Variants in UNC5C observed in about 807,000 individuals in gnomAD.
UNC5C encodes the protein netrin receptor UNC5C.
Under a neutral mutation model 99.8 loss-of-function variants are expected in UNC5C, and 47 were observed. The ratio of observed to expected loss-of-function variants is 0.47; its 90% CI spans 0.37 to 0.60. UNC5C has a LOEUF of 0.60. UNC5C is among the 20% of genes least tolerant of loss of function. The pLI is 0.00. For missense variants in UNC5C, 1,062 were observed against 1,165.9 expected, an observed-to-expected ratio of 0.91 and a Z score of 1.30; for synonymous variants, 487 against 452.2, an observed-to-expected ratio of 1.08 and a Z score of -0.98.
intron 1 of UNC5C, among the ~76,000 whole-genome samples, chr4:95,388,060 A>G (rs1384862): frequency 0.3 from 45,229 of 152,092 alleles, 6,969 homozygotes; most frequent in Middle Eastern, 0.4. Flanking sequence ...TGGAAATACT[A>G]TAAACATTAA....
chr4:95,517,225 T>C (rs988395800), intron 1 of UNC5C, among the ~76,000 whole-genome samples: 1 of 152,182 alleles, frequency 6.6e-6, no homozygotes, highest in African/African-American at 2.4e-5. Flanking sequence ...ATTCCTCAAA[T>C]CCAACTCAGA....
rs531587372 is a variant in UNC5C at position 95,268,125 on chromosome 4, A to AT, written c.594+10133dup. Among the ~76,000 whole-genome samples, 228 of 149,664 alleles carry AT rather than the reference A, an allele frequency of 1.5e-3. 2 individuals carry two copies. Among genetic ancestry groups the AT allele is most frequent in the South Asian group, 0.012 (54 of 4,692 alleles). On this transcript the variant is annotated intron_variant, in intron 4 of 15. Transcript: ENST00000453304. Reference sequence around the variant, plus strand: ...CCACCGCGCCCGGTTAATTTTTTGCATTTTTTTTAGTAGAGACGGGGTTTC... The same window carrying AT: ...CCACCGCGCCCGGTTAATTTTTTGCATTTTTTTTTAGTAGAGACGGGGTTTC...
chr4:95,360,626 A>G (rs993288448), intron 1 of UNC5C, among the ~76,000 whole-genome samples: 5 of 152,210 alleles, frequency 3.3e-5, no homozygotes, highest in Admixed American at 6.5e-5. Context: ...GTGCTTCTTC[A>G]GAATATCTAC....
chr4:95,344,506 A>G (rs1477872776), intron 1 of UNC5C, among the ~76,000 whole-genome samples: 3 of 152,114 alleles, frequency 2.0e-5, no homozygotes, highest in East Asian at 1.9e-4. Context: ...TGAAGGTGCA[A>G]AACTGACTGG....
At chr4:95,540,938 T>A (rs1722902485) in intron 1 of UNC5C, among the ~76,000 whole-genome samples, 2 of 152,212 alleles carry the variant, frequency 1.3e-5, no homozygotes, top group Non-Finnish European at 2.9e-5. Context: ...CTATAAAAGT[T>A]ATGGAATACC....
intron 10 of UNC5C, among the ~76,000 whole-genome samples, chr4:95,215,813 G>T (rs1422405793): frequency 6.7e-6 from 1 of 150,228 alleles, no homozygotes; most frequent in African/African-American, 2.4e-5. Context: ...CGACGTCTCT[G>T]TGTCTACCCA....
chr4:95,217,690 G>C lies in UNC5C; in HGVS notation c.1645+1279C>G, dbSNP rs550405421. Among the ~76,000 whole-genome samples the C allele has an allele frequency of 5.9e-5, 9 of 152,214 alleles. No individual in the cohort carries two copies. In the East Asian group the frequency reaches 1.7e-3, roughly 29 times the overall value. ...ATAATGCACATATGAAAAAGTGGTA[G>C]GTAGAAATGGGAAGAAAAGGCAGAA... On this transcript the variant is annotated intron_variant, in intron 9 of 15. Transcript: ENST00000453304.
intron 1 of UNC5C, among the ~76,000 whole-genome samples, chr4:95,379,520 C>T (rs1744997513): frequency 6.6e-6 from 1 of 152,132 alleles, no homozygotes; most frequent in Admixed American, 6.5e-5. Context: ...AGAGGCCTTC[C>T]TATTCCCCAA....
Position 95,166,933 on chromosome 4 carries a change from T to TAA in UNC5C, c.*2300_*2301insTT, listed in dbSNP as rs1204039192. 2.6e-5 allele frequency: 4 copies of TAA among 151,266 alleles called. No homozygotes were observed. Among genetic ancestry groups the TAA allele is most frequent in the African/African-American group, 9.9e-5 (4 of 40,592 alleles). 9.4% of individuals were successfully genotyped at this position (151,266 alleles called of 1,614,324 possible). A position where few individuals can be genotyped will look rare whatever the true frequency, so the allele number is the denominator to read the frequency against. On this transcript the variant is annotated 3_prime_UTR_variant, in exon 16 of 16. Coordinates refer to ENST00000453304, the MANE Select transcript of UNC5C (RefSeq NM_003728.4). ...CCCTTCCCCAGTCAGTGTACAAATATTTTAAATATGGAAATCCTAATGCAG... is the reference window on the plus strand; with the variant it reads ...CCCTTCCCCAGTCAGTGTACAAATATAATTTAAATATGGAAATCCTAATGCAG...
chr4:95,438,294 A>G (rs1168989168), intron 1 of UNC5C, among the ~76,000 whole-genome samples: 2 of 152,084 alleles, frequency 1.3e-5, no homozygotes, highest in East Asian at 1.9e-4. Context: ...TTCTTCTCCC[A>G]TTAAAACAAA....
intron 1 of UNC5C, among the ~76,000 whole-genome samples, chr4:95,403,475 T>C (rs2149449261): frequency 6.6e-6 from 1 of 152,324 alleles, no homozygotes; most frequent in African/African-American, 2.4e-5. Flanking sequence ...TTCAGGGAAG[T>C]CAATAGTACT....
chr4:95,480,810 CA>C (rs568093659), intron 1 of UNC5C, among the ~76,000 whole-genome samples: 2,555 of 151,956 alleles, frequency 0.017, 67 homozygotes, highest in African/African-American at 0.059. Flanking sequence ...ATTCAACAAC[CA>C]TTCATGCTAA....
At chr4:95,206,923 G>A in intron 10 of UNC5C, 127 bp from the exon 11 acceptor site, 1 of 732,600 alleles carries the variant, frequency 1.4e-6, no homozygotes. Context: ...TTTTTTTCTG[G>A]GGGGTTGGGG....
intron 4 of UNC5C, among the ~76,000 whole-genome samples, chr4:95,254,772 CTG>C (rs1739892601): frequency 6.6e-6 from 1 of 152,212 alleles, no homozygotes; most frequent in Non-Finnish European, 1.5e-5. Context: ...TTACCCTTTT[CTG>C]TCTTTCCTAT....
intron 3 of UNC5C, among the ~76,000 whole-genome samples, chr4:95,289,627 C>T (rs1741370754): frequency 6.6e-6 from 1 of 152,114 alleles, no homozygotes; most frequent in Non-Finnish European, 1.5e-5. Context: ...ATTTCATGGT[C>T]ACTCAAAGTA....
intron 2 of UNC5C, among the ~76,000 whole-genome samples, chr4:95,315,735 G>C (rs1033332470): frequency 6.6e-6 from 1 of 152,132 alleles, no homozygotes; most frequent in Non-Finnish European, 1.5e-5. Context: ...TAATAAAGAT[G>C]ATGACATTTG....
At chr4:95,222,250 A>G in intron 7 of UNC5C, 1 of 1,488,120 alleles carries the variant, frequency 6.7e-7, no homozygotes, top group Non-Finnish European at 8.9e-7. Flanking sequence ...GTTCAGTTGA[A>G]ATGGGATAAA....
intron 1 of UNC5C, among the ~76,000 whole-genome samples, chr4:95,505,092 C>A (rs906618320): frequency 6.6e-6 from 1 of 152,058 alleles, no homozygotes; most frequent in East Asian, 1.9e-4. Context: ...ATATTCACTT[C>A]TTAATTTCAG....
intron 1 of UNC5C, among the ~76,000 whole-genome samples, chr4:95,431,314 G>A (rs948191765): frequency 1.3e-5 from 2 of 151,986 alleles, no homozygotes; most frequent in African/African-American, 4.8e-5. Flanking sequence ...GAATCATCTC[G>A]AAAGCCTGTT....
Sources: gnomAD v4.1 joint callset for allele counts (sites outside exome capture counted in the v4.1 genomes callset) on GRCh38, gnomAD v4.1.1 for gene constraint, MANE v1.5 for transcripts, NCBI Gene and HGNC (gene_info 2026-07-23, HGNC 2026-07-21) for gene names.